MUSK: variants seen among roughly 807,000 people sequenced by gnomAD.
The protein encoded by MUSK is muscle, skeletal receptor tyrosine-protein kinase.
MUSK carries 55 observed loss-of-function variants against 88.7 expected under a neutral mutation model. That is an observed-to-expected ratio of 0.62 (90% CI 0.50 to 0.78). The LOEUF (loss-of-function observed/expected upper bound fraction) is 0.78, where lower values mean the gene tolerates loss of function less well. MUSK is among the 30% of genes least tolerant of loss of function. MUSK has a pLI of 0.00. For missense variants in MUSK, 1,015 were observed against 1,074.3 expected (o/e 0.94, Z 0.77); for synonymous variants, 387 against 391.9 (o/e 0.99, Z 0.15).
In MUSK at chr9:110,723,238, C is replaced by T. The variant is rs566012175; in HGVS notation, c.629-11013C>T. On this transcript the variant is annotated intron_variant, in intron 5 of 14. Transcript: ENST00000374448. ...TGGAATACTACTACATATACATACA[C>T]ACACACACACACACACACACACACA... is the stretch of plus-strand genomic sequence containing the variant. Among the ~76,000 whole-genome samples, 122 of 150,298 alleles carry T rather than the reference C, an allele frequency of 8.1e-4. 2 individuals are homozygous for T. Among genetic ancestry groups the T allele is most frequent in the African/African-American group, 3.0e-3 (121 of 40,482 alleles).
intron 9 of MUSK, among the ~76,000 whole-genome samples, chr9:110,770,859 T>C (rs1177515767): frequency 1.3e-5 from 2 of 152,040 alleles, no homozygotes; most frequent in African/African-American, 4.8e-5. Context: ...CCATAAAACA[T>C]AGAGATGCAA....
At chr9:110,688,865 T>C (rs1339355145) in intron 3 of MUSK, among the ~76,000 whole-genome samples, 1 of 151,060 alleles carries the variant, frequency 6.6e-6, no homozygotes, top group Non-Finnish European at 1.5e-5. Flanking sequence ...AGTCCATCAT[T>C]AATGGGCATT....
intron 5 of MUSK, among the ~76,000 whole-genome samples, chr9:110,712,587 G>C (rs992709840): frequency 2.6e-5 from 4 of 152,142 alleles, no homozygotes; most frequent in African/African-American, 9.7e-5. Context: ...GTTTATGTTA[G>C]TGCTTTTTAA....
chr9:110,768,326 C>T (rs929638379), intron 9 of MUSK, among the ~76,000 whole-genome samples: 1 of 152,090 alleles, frequency 6.6e-6, no homozygotes, highest in East Asian at 1.9e-4. Flanking sequence ...GGTGAAACCC[C>T]GTCTCTACTA....
chr9:110,755,933 C>CATATAT lies in MUSK; in HGVS notation c.914-6257_914-6252dup, dbSNP rs1344701963. Among the ~76,000 whole-genome samples, 11 of 81,538 alleles carry CATATAT rather than the reference C, an allele frequency of 1.3e-4. 1 individual carries two copies. The highest frequency in any genetic ancestry group is 4.5e-4 in the South Asian group (1 of 2,240). 53.5% of individuals were successfully genotyped at this position (81,538 alleles called of 152,430 possible). ...CAGTGCCCAGTGCCATATATATATA[C>CATATAT]ATATATATATATATATACACATATA... On this transcript the variant is annotated intron_variant, in intron 7 of 14. Transcript: ENST00000374448.
rs147019531 is a variant in MUSK at position 110,728,720 on chromosome 9, A to ATT, written c.629-5523_629-5522dup. 4.4e-3 allele frequency: 6,785 copies of ATT among 1,548,896 alleles called. 184 individuals carry two copies. In the African/African-American group the frequency reaches 0.079, roughly 18 times the overall value. On this transcript the variant is annotated intron_variant, in intron 5 of 14. Transcript: ENST00000374448. Reference sequence around the variant, plus strand: ...TGAACCCGAACAAGATACTAAAGGTATTTTTTTTTCTTTCTGCATGGCTTC... The same window carrying ATT: ...TGAACCCGAACAAGATACTAAAGGTATTTTTTTTTTTCTTTCTGCATGGCTTC...
At chr9:110,736,660 T>G (rs1249820193) in intron 6 of MUSK, among the ~76,000 whole-genome samples, 2 of 152,068 alleles carry the variant, frequency 1.3e-5, no homozygotes, top group Non-Finnish European at 2.9e-5. Context: ...TCCCACTGAT[T>G]CTTGTTCATT....
At chr9:110,691,745 G>C (rs1044448040) in intron 3 of MUSK, among the ~76,000 whole-genome samples, 1 of 152,072 alleles carries the variant, frequency 6.6e-6, no homozygotes, top group Non-Finnish European at 1.5e-5. Flanking sequence ...TTTAGTTTTT[G>C]TGTTGTTGTC....
At chr9:110,691,156 T>C (rs1241981607) in intron 3 of MUSK, among the ~76,000 whole-genome samples, 1 of 152,086 alleles carries the variant, frequency 6.6e-6, no homozygotes. Context: ...TGAGCCTGTT[T>C]GTGTTAACTC....
intron 6 of MUSK, among the ~76,000 whole-genome samples, chr9:110,735,949 C>T (rs1193124417): frequency 1.3e-5 from 2 of 152,036 alleles, no homozygotes; most frequent in Non-Finnish European, 2.9e-5. Context: ...GACTTCTGTC[C>T]CCATGATCCA....
At chr9:110,797,487 G>T (rs147213160) in intron 14 of MUSK, among the ~76,000 whole-genome samples, 185 of 152,130 alleles carry the variant, frequency 1.2e-3, no homozygotes, top group African/African-American at 4.3e-3. Flanking sequence ...GTTGGGCAGA[G>T]GTCTAAGGAA....
intron 6 of MUSK, among the ~76,000 whole-genome samples, chr9:110,742,477 T>C (rs1387491400): frequency 6.6e-6 from 1 of 151,796 alleles, no homozygotes; most frequent in Non-Finnish European, 1.5e-5. Context: ...AAAATAAAAT[T>C]GGGAGACTGA....
chr9:110,680,809 G>A (rs1489973617), intron 1 of MUSK, among the ~76,000 whole-genome samples: 1 of 147,530 alleles, frequency 6.8e-6, no homozygotes, highest in Non-Finnish European at 1.5e-5. Context: ...CTTCTAGGCT[G>A]CTCCCCTCTT....
chr9:110,797,784 T>C (rs1000714708), intron 14 of MUSK, among the ~76,000 whole-genome samples: 1 of 152,206 alleles, frequency 6.6e-6, no homozygotes, highest in Non-Finnish European at 1.5e-5. Flanking sequence ...TCAAATAGTA[T>C]ACATTTAGTC....
intron 5 of MUSK, among the ~76,000 whole-genome samples, chr9:110,722,041 G>A (rs548524689): frequency 5.9e-5 from 9 of 152,288 alleles, no homozygotes; most frequent in African/African-American, 2.2e-4. Flanking sequence ...CAAGCCACAT[G>A]TAGAAGAATG....
chr9:110,729,984 T>C (rs2131828937), intron 5 of MUSK, among the ~76,000 whole-genome samples: 1 of 152,190 alleles, frequency 6.6e-6, no homozygotes, highest in East Asian at 1.9e-4. Context: ...TGACAATCAA[T>C]AATAAAACTG....
chr9:110,762,576 A>AT (rs1042439981), intron 8 of MUSK, among the ~76,000 whole-genome samples: 1 of 151,604 alleles, frequency 6.6e-6, no homozygotes, highest in Non-Finnish European at 1.5e-5. Context: ...GAAAAAAAAA[A>AT]TAAAAAAACC....
chr9:110,784,463 T>A (rs2077818518), intron 11 of MUSK, among the ~76,000 whole-genome samples: 1 of 152,166 alleles, frequency 6.6e-6, no homozygotes, highest in Non-Finnish European at 1.5e-5. Context: ...CTCTAGACAA[T>A]CCTGATGTCA....
chr9:110,737,383 C>T (rs2077043471), intron 6 of MUSK, among the ~76,000 whole-genome samples: 1 of 151,868 alleles, frequency 6.6e-6, no homozygotes, highest in African/African-American at 2.4e-5. Flanking sequence ...ATTACATCCT[C>T]TTTTTGATGT....
Sources: gnomAD v4.1 joint callset for allele counts (sites outside exome capture counted in the v4.1 genomes callset) on GRCh38, gnomAD v4.1.1 for gene constraint, MANE v1.5 for transcripts, NCBI Gene and HGNC (gene_info 2026-07-23, HGNC 2026-07-21) for gene names.